The following PAK1 variants were observed in gnomAD, a reference collection of about 807,000 sequenced individuals.
PAK1 encodes serine/threonine-protein kinase PAK 1.
PAK1 carries 29 observed loss-of-function variants against 67.4 expected under a neutral mutation model. That is an observed-to-expected ratio of 0.43 (90% confidence interval 0.32 to 0.59). The LOEUF is 0.59. Ranked by LOEUF, PAK1 falls within the 20% of genes least tolerant of loss-of-function variation. The probability of loss-of-function intolerance (pLI) is 0.07; values close to 1 mark genes in which losing one functional copy is unlikely to be tolerated. For synonymous variants in PAK1, 223 were observed against 237.4 expected, an observed-to-expected ratio of 0.94 and a Z score of 0.56; for missense variants, 337 against 670.7, an observed-to-expected ratio of 0.50 and a Z score of 5.50.
chr11:77,463,550 T>C (rs1306869280), intron 1 of PAK1, among the ~76,000 whole-genome samples: 1 of 152,222 alleles, frequency 6.6e-6, no homozygotes, highest in Admixed American at 6.5e-5. Flanking sequence ...AATTTATTCT[T>C]CATCAATATT....
chr11:77,474,136 A>G (rs1592610968), upstream of PAK1: 1 of 140,724 alleles, frequency 7.1e-6, no homozygotes, highest in Admixed American at 6.9e-5. Flanking sequence ...TGGCTCCCCT[A>G]CTCCTCCTCC....
At chr11:77,432,904 G>A (rs868823293) in intron 1 of PAK1, among the ~76,000 whole-genome samples, 2 of 149,448 alleles carry the variant, frequency 1.3e-5, no homozygotes, top group Middle Eastern at 7.1e-3. Context: ...CCTTGAAAAA[G>A]AAAAACAAAG....
At chr11:77,407,332 A>T (rs919750684) in intron 1 of PAK1, among the ~76,000 whole-genome samples, 6 of 152,348 alleles carry the variant, frequency 3.9e-5, no homozygotes, top group African/African-American at 1.4e-4. Context: ...CTAAATTACC[A>T]GTCCTAAAGC....
At chr11:77,332,984 C>T (rs1941971610) in intron 13 of PAK1, 117 bp from the exon 14 acceptor site, 2 of 894,696 alleles carry the variant, frequency 2.2e-6, no homozygotes, top group Non-Finnish European at 3.6e-6. Context: ...AAAGTAGCAG[C>T]TGTGTATATA....
At chr11:77,500,784 C>A in the PAK1 span, among the ~76,000 whole-genome samples, 1 of 152,126 alleles carries the variant, frequency 6.6e-6, no homozygotes, top group Non-Finnish European at 1.5e-5. Context: ...GTTGAGGCAG[C>A]AATGTGCTGT....
At chr11:77,397,878 A>G (rs1952047987) in intron 1 of PAK1, among the ~76,000 whole-genome samples, 1 of 152,268 alleles carries the variant, frequency 6.6e-6, no homozygotes, top group African/African-American at 2.4e-5. Context: ...CTAAGATCAC[A>G]CAGCAATTTA....
intron 12 of PAK1, among the ~76,000 whole-genome samples, chr11:77,337,112 T>A (rs1042808162): frequency 6.6e-6 from 1 of 151,634 alleles, no homozygotes; most frequent in South Asian, 2.1e-4. Context: ...CAGCAAAGTT[T>A]TTTGTGGTTG....
intron 1 of PAK1, among the ~76,000 whole-genome samples, chr11:77,431,725 A>G (rs934080727): frequency 2.0e-5 from 3 of 152,222 alleles, no homozygotes; most frequent in Admixed American, 2.0e-4. Flanking sequence ...TAAGTGAAGA[A>G]GCCCCACAAA....
chr11:77,363,947 C>A (rs1947142827), intron 5 of PAK1, among the ~76,000 whole-genome samples: 3 of 152,232 alleles, frequency 2.0e-5, no homozygotes. Flanking sequence ...TCCATCAGGG[C>A]AGACCAGGGT....
Position 77,464,989 on chromosome 11 carries a change from AGTGTGTGT to A in PAK1, c.-22+8555_-22+8562del, listed in dbSNP as rs57578087. ...TATTGGATTGGTACATACATGAAAG[AGTGTGTGT>A]GTGTGTGTGTGTGTGTCTGTGTGTG... is the stretch of plus-strand genomic sequence containing the variant. On this transcript the variant is annotated intron_variant, in intron 1 of 14. Coordinates refer to ENST00000356341, the MANE Select transcript of PAK1 (RefSeq NM_002576.5). Among the ~76,000 whole-genome samples the A allele has an allele frequency of 5.4e-5, 8 of 149,002 alleles. No individual in the cohort carries two copies. In the East Asian group the frequency reaches 7.9e-4, roughly 15 times the overall value.
intron 1 of PAK1, among the ~76,000 whole-genome samples, chr11:77,433,649 C>T (rs768517271): frequency 7.2e-5 from 11 of 152,038 alleles, no homozygotes; most frequent in South Asian, 2.1e-4. Context: ...CGTGGTGGCA[C>T]GCTCCTGTAG....
At chr11:77,434,211 G>A (rs572389761) in intron 1 of PAK1, among the ~76,000 whole-genome samples, 6 of 152,040 alleles carry the variant, frequency 3.9e-5, no homozygotes, top group South Asian at 2.1e-4. Flanking sequence ...AGCATTAGTC[G>A]CAGCCAAAAA....
chr11:77,349,236 C>T lies in PAK1; in HGVS notation c.885+3G>A, dbSNP rs371293219. On this transcript the variant is annotated splice_donor_region_variant and intron_variant, in intron 9 of 14. Transcript: ENST00000356341. Reference sequence around the variant, plus strand: ...GGAGCAACAGTGGGTGGTGGATACTCACCTCCTGTCCTGTGGCCACATCCA... The same window carrying T: ...GGAGCAACAGTGGGTGGTGGATACTTACCTCCTGTCCTGTGGCCACATCCA... The T allele has an allele frequency of 5.0e-6, 8 of 1,589,894 alleles. No homozygotes were observed. The African/African-American group carries it at 9.4e-5, about 19-fold the overall frequency.
chr11:77,434,481 G>A (rs902777212), intron 1 of PAK1, among the ~76,000 whole-genome samples: 1 of 150,768 alleles, frequency 6.6e-6, no homozygotes, highest in East Asian at 1.9e-4. Flanking sequence ...GTATTGCTAT[G>A]TCACCCCCAG....
At chr11:77,346,971 C>T in intron 9 of PAK1, 1 of 453,364 alleles carries the variant, frequency 2.2e-6, no homozygotes, top group East Asian at 6.9e-5. Flanking sequence ...TAACATTCTT[C>T]CTATATGTGA....
intron 5 of PAK1, among the ~76,000 whole-genome samples, chr11:77,364,348 T>C (rs1302286931): frequency 1.3e-5 from 2 of 152,178 alleles, no homozygotes; most frequent in East Asian, 1.9e-4. Context: ...TTGAGCACCA[T>C]CTGTGTCAAA....
At chr11:77,368,816 C>A (rs1947977993) in intron 5 of PAK1, among the ~76,000 whole-genome samples, 1 of 152,058 alleles carries the variant, frequency 6.6e-6, no homozygotes, top group Non-Finnish European at 1.5e-5. Flanking sequence ...AACACCAAGC[C>A]CAGCTAATTT....
intron 1 of PAK1, among the ~76,000 whole-genome samples, chr11:77,460,574 A>T (rs886615616): frequency 3.9e-5 from 6 of 151,960 alleles, no homozygotes; most frequent in African/African-American, 1.4e-4. Flanking sequence ...GGTGAAGAAA[A>T]GGAAAATTAT....
chr11:77,470,672 T>C (rs893691907), intron 1 of PAK1, among the ~76,000 whole-genome samples: 1 of 152,188 alleles, frequency 6.6e-6, no homozygotes, highest in Non-Finnish European at 1.5e-5. Context: ...AGGCCCTATA[T>C]AGCTTTAAGT....
Sources: allele counts gnomAD v4.1 joint callset (sites outside exome capture counted in the v4.1 genomes callset), GRCh38; gene constraint gnomAD v4.1.1; transcripts MANE v1.5; gene names NCBI Gene and HGNC (gene_info 2026-07-23, HGNC 2026-07-21).